LRP1B: variants seen among roughly 807,000 people sequenced by gnomAD.
The protein encoded by LRP1B is LDL receptor related protein 1B, also known as low-density lipoprotein receptor-related protein 1B.
In LRP1B, 217 loss-of-function variants were observed where a neutral mutation model predicts 556.6. The observed-to-expected ratio is 0.39, with a 90% confidence interval of 0.35 to 0.44. The LOEUF (loss-of-function observed/expected upper bound fraction) is 0.44. LRP1B is among the 20% of genes least tolerant of loss of function. The probability of loss-of-function intolerance (pLI) is 1.00; values close to 1 mark genes in which losing one functional copy is unlikely to be tolerated. For missense variants in LRP1B, 5,053 were observed against 5,620.8 expected (o/e 0.90, Z 3.23); for synonymous variants, 2,047 against 1,865.8 (o/e 1.10, Z -2.50).
intron 2 of LRP1B, among the ~76,000 whole-genome samples, chr2:141,495,105 A>T (rs1574012141): frequency 6.6e-6 from 1 of 152,078 alleles, no homozygotes. Context: ...GCTATAAAAA[A>T]GGTAGAAACA....
chr2:141,390,496 A>G, intron 3 of LRP1B, among the ~76,000 whole-genome samples: 1 of 152,232 alleles, frequency 6.6e-6, no homozygotes. Context: ...TTACAGTATC[A>G]GCATTGTTGG....
intron 5 of LRP1B, among the ~76,000 whole-genome samples, chr2:141,231,123 A>G (rs1332265579): frequency 6.6e-6 from 1 of 152,242 alleles, no homozygotes; most frequent in African/African-American, 2.4e-5. Flanking sequence ...TTTCATAAAT[A>G]TCATTTGACC....
intron 1 of LRP1B, among the ~76,000 whole-genome samples, chr2:141,903,813 A>C (rs1314807838): frequency 6.6e-5 from 10 of 151,990 alleles, no homozygotes; most frequent in Non-Finnish European, 1.5e-4. Flanking sequence ...ACAGTATTAT[A>C]AAGAAACAAG....
chr2:141,711,497 A>G (rs1443789418), intron 2 of LRP1B, among the ~76,000 whole-genome samples: 1 of 152,192 alleles, frequency 6.6e-6, no homozygotes, highest in Non-Finnish European at 1.5e-5. Context: ...AGTGAGCATG[A>G]GACAGCAAGA....
At chr2:140,510,183 T>A in intron 51 of LRP1B, 127 bp from the exon 52 acceptor site, 1 of 903,100 alleles carries the variant, frequency 1.1e-6, no homozygotes, top group South Asian at 1.7e-5. Context: ...ATTGTAGTTA[T>A]TGGGAATCAT....
intron 32 of LRP1B, among the ~76,000 whole-genome samples, chr2:140,793,709 A>G (rs1006250664): frequency 1.1e-4 from 16 of 152,052 alleles, no homozygotes; most frequent in Non-Finnish European, 2.1e-4. Context: ...TCCACATTAT[A>G]GCTTATTTCA....
intron 35 of LRP1B, among the ~76,000 whole-genome samples, chr2:140,730,491 CAT>C (rs1687741056): frequency 6.6e-6 from 1 of 152,110 alleles, no homozygotes; most frequent in Non-Finnish European, 1.5e-5. Flanking sequence ...ATTTTTAAAA[CAT>C]AAAGTATAAA....
At chr2:140,437,078 G>A (rs1001203371) in intron 66 of LRP1B, among the ~76,000 whole-genome samples, 11 of 152,192 alleles carry the variant, frequency 7.2e-5, no homozygotes, top group South Asian at 2.1e-4. Flanking sequence ...CAACAGCAAC[G>A]TAAGATTAAG....
chr2:140,912,299 C>T (rs938076362), intron 21 of LRP1B, among the ~76,000 whole-genome samples: 3 of 151,646 alleles, frequency 2.0e-5, no homozygotes, highest in Non-Finnish European at 4.4e-5. Flanking sequence ...GATAAATCCT[C>T]ACCTAATCAA....
At chr2:141,397,312 A>G (rs996113787) in intron 3 of LRP1B, among the ~76,000 whole-genome samples, 1 of 151,790 alleles carries the variant, frequency 6.6e-6, no homozygotes, top group Non-Finnish European at 1.5e-5. Context: ...TCCCTCAGTT[A>G]AAATTATTAT....
chr2:140,396,124 G>A lies in LRP1B; in HGVS notation c.10415-10115C>T, dbSNP rs1015596519. On this transcript the variant is annotated intron_variant, in intron 66 of 90. Transcript: ENST00000389484. Reference sequence around the variant, plus strand: ...AGTACAGAGGCATAACAGAAATCTCGATAACATAGAGGGATAGAGAGGTCT... The same window carrying A: ...AGTACAGAGGCATAACAGAAATCTCAATAACATAGAGGGATAGAGAGGTCT... Among the ~76,000 whole-genome samples the A allele has an allele frequency of 3.3e-5, 5 of 152,214 alleles. No individual in the cohort carries two copies. In the South Asian group the frequency reaches 6.2e-4, roughly 19 times the overall value.
At chr2:141,334,304 T>G (rs1318474449) in intron 3 of LRP1B, among the ~76,000 whole-genome samples, 4 of 152,172 alleles carry the variant, frequency 2.6e-5, no homozygotes, top group Non-Finnish European at 4.4e-5. Context: ...CTGAAGATAT[T>G]GAGTTCCCAC....
At chr2:140,888,265 TTGAG>T (rs1452697220) in intron 23 of LRP1B, among the ~76,000 whole-genome samples, 1 of 152,136 alleles carries the variant, frequency 6.6e-6, no homozygotes, top group East Asian at 1.9e-4. Context: ...TTCTGTGCAT[TTGAG>T]TTAGTTGAAT....
intron 2 of LRP1B, among the ~76,000 whole-genome samples, chr2:141,784,623 T>C (rs1695368333): frequency 6.6e-6 from 1 of 151,900 alleles, no homozygotes; most frequent in Non-Finnish European, 1.5e-5. Flanking sequence ...GCCAGAAATA[T>C]GTTTTCCTTA....
At chr2:141,254,777 A>C (rs1216011976) in intron 3 of LRP1B, 136 bp from the exon 4 acceptor site, 1 of 506,082 alleles carries the variant, frequency 2.0e-6, no homozygotes, top group Non-Finnish European at 3.1e-6. Flanking sequence ...AGAAAAAAAT[A>C]TTTACCTAAA....
intron 7 of LRP1B, among the ~76,000 whole-genome samples, chr2:141,110,452 C>A (rs2104964241): frequency 6.6e-6 from 1 of 152,168 alleles, no homozygotes; most frequent in South Asian, 2.1e-4. Context: ...GAAAAGTTTG[C>A]TCATATGCGT....
chr2:140,887,096 A>T (rs1040975655), intron 23 of LRP1B, among the ~76,000 whole-genome samples: 1 of 152,166 alleles, frequency 6.6e-6, no homozygotes, highest in Non-Finnish European at 1.5e-5. Flanking sequence ...TATTGTTGTG[A>T]TCACTTAGAT....
chr2:141,247,075 GA>G (rs1347952256), intron 5 of LRP1B, 150 bp downstream of exon 5: 1 of 782,428 alleles, frequency 1.3e-6, no homozygotes, highest in Non-Finnish European at 2.0e-6. Context: ...AATTGCTCTG[GA>G]TTCCTAACTA....
chr2:141,989,484 A>G (rs1236702833), intron 1 of LRP1B, among the ~76,000 whole-genome samples: 1 of 152,062 alleles, frequency 6.6e-6, no homozygotes, highest in African/African-American at 2.4e-5. Flanking sequence ...TTTTATATAT[A>G]TGTCAGTTTT....
Sources: allele counts gnomAD v4.1 joint callset (sites outside exome capture counted in the v4.1 genomes callset), GRCh38; gene constraint gnomAD v4.1.1; transcripts MANE v1.5; gene names NCBI Gene and HGNC (gene_info 2026-07-23, HGNC 2026-07-21).